The following SRPX variants were observed in gnomAD, a reference collection of about 807,000 sequenced individuals.
The protein encoded by SRPX is sushi repeat-containing protein SRPX.
SRPX carries 24 observed loss-of-function variants against 38.1 expected under a neutral mutation model. That is an observed-to-expected ratio of 0.63 (90% CI 0.46 to 0.89). The LOEUF (loss-of-function observed/expected upper bound fraction) is 0.89. Ranked by LOEUF, SRPX falls within the 40% of genes least tolerant of loss-of-function variation. SRPX has a pLI of 0.00. For missense variants in SRPX, 416 were observed against 377.8 expected, an observed-to-expected ratio of 1.10 and a Z score of -0.84; for synonymous variants, 184 against 153.8, an observed-to-expected ratio of 1.20 and a Z score of -1.45.
At chrX:38,175,386 C>T (rs975483011) in intron 2 of SRPX, among the ~76,000 whole-genome samples, 1 of 112,232 alleles carries the variant, frequency 8.9e-6, no homozygotes, top group Non-Finnish European at 1.9e-5. Flanking sequence ...GTTTTACTTT[C>T]CCAGGAATTC....
intron 1 of SRPX, among the ~76,000 whole-genome samples, chrX:38,180,299 AAC>A (rs1938644610): frequency 9.0e-6 from 1 of 111,552 alleles, no homozygotes; most frequent in Non-Finnish European, 1.9e-5. Flanking sequence ...TCCAAATGAC[AAC>A]AGTTTCCCGA....
intron 3 of SRPX, among the ~76,000 whole-genome samples, chrX:38,173,212 C>T (rs1938506583): frequency 8.9e-6 from 1 of 111,969 alleles, no homozygotes; most frequent in Admixed American, 9.4e-5. Flanking sequence ...AAACCATAAG[C>T]GCTCAAAAAG....
chrX:38,220,614 C>G, intron 1 of SRPX, 82 bp downstream of exon 1: 3 of 1,137,244 alleles, frequency 2.6e-6, no homozygotes, highest in Non-Finnish European at 3.5e-6. Flanking sequence ...GCACCTCCCT[C>G]TATCCCGAGC....
At position 38,154,521 on chromosome X, in the gene SRPX, C is replaced by T. The variant is rs751346119; in HGVS notation, c.1152G>A (p.Pro384=). Residue 384 remains proline, a synonymous_variant, in exon 9 of 10, where the codon CCG becomes CCA. Coordinates refer to ENST00000378533, the MANE Select transcript of SRPX (RefSeq NM_006307.5). ...TTGCTCCTATCCTGCCAATGAGAGT[C>T]GGGAACACACCCACCAGCTCCACCA... ...ITVVELVGVF[P]TLIGRIGAKI... is the part of the protein sequence containing the mutation. 5.8e-6 allele frequency: 7 copies of T among 1,205,372 alleles called. No individual in the cohort carries two copies. Among genetic ancestry groups the T allele is most frequent in the Non-Finnish European group, 6.7e-6 (6 of 892,981 alleles).
At chrX:38,159,955 C>T in intron 7 of SRPX, 62 bp downstream of exon 7, 17 of 1,134,751 alleles carry the variant, frequency 1.5e-5, no homozygotes, top group Middle Eastern at 2.9e-4. Context: ...CTCTCTTGCA[C>T]TGGAATCAAG....
At chrX:38,164,925 T>C (rs776005299) in intron 4 of SRPX, 30 bp from the exon 5 acceptor site, 1 of 1,196,556 alleles carries the variant, frequency 8.4e-7, no homozygotes, top group Admixed American at 2.2e-5. Flanking sequence ...ATTCTCATCA[T>C]CATCAAGAAA....
At chrX:38,174,464 A>C in intron 2 of SRPX, 113 bp from the exon 3 acceptor site, 1 of 534,009 alleles carries the variant, frequency 1.9e-6, no homozygotes, top group African/African-American at 2.4e-5. Flanking sequence ...TGGACCTTCA[A>C]TTAGTGCCCC....
chrX:38,165,702 T>G (rs763003374), intron 4 of SRPX, among the ~76,000 whole-genome samples: 2 of 112,243 alleles, frequency 1.8e-5, no homozygotes, highest in Non-Finnish European at 3.8e-5. Flanking sequence ...CTTCCTGCTA[T>G]CTATTATCAA....
chrX:38,163,892 G>A (rs1166200503), intron 5 of SRPX, among the ~76,000 whole-genome samples: 3 of 111,812 alleles, frequency 2.7e-5, no homozygotes, highest in African/African-American at 9.7e-5. Flanking sequence ...CAGAGCACAA[G>A]AGCGGCAGCC....
At chrX:38,218,611 C>G (rs1939456705) in intron 1 of SRPX, among the ~76,000 whole-genome samples, 1 of 112,521 alleles carries the variant, frequency 8.9e-6, no homozygotes, top group African/African-American at 3.2e-5. Context: ...AGATCTCCAT[C>G]TTCTTTCAGA....
chrX:38,210,591 G>A (rs921026169), intron 1 of SRPX, among the ~76,000 whole-genome samples: 2 of 112,005 alleles, frequency 1.8e-5, no homozygotes, highest in African/African-American at 6.5e-5. Context: ...AAATATGTCA[G>A]CAGGTAGCAA....
At chrX:38,187,773 C>G (rs1211879026) in intron 1 of SRPX, among the ~76,000 whole-genome samples, 2 of 111,964 alleles carry the variant, frequency 1.8e-5, no homozygotes, top group African/African-American at 6.5e-5. Flanking sequence ...CAGTGGTAAC[C>G]CTTCTCTCCT....
chrX:38,160,597 G>C (rs898991611), intron 6 of SRPX, among the ~76,000 whole-genome samples: 17 of 111,692 alleles, frequency 1.5e-4, no homozygotes, highest in African/African-American at 4.9e-4. Context: ...TATTCACCCT[G>C]GTTGTAGATG....
At chrX:38,202,877 G>A (rs1173359753) in intron 1 of SRPX, among the ~76,000 whole-genome samples, 1 of 112,137 alleles carries the variant, frequency 8.9e-6, no homozygotes, top group East Asian at 2.8e-4. Flanking sequence ...TCTACAGAAT[G>A]TCTTCCACAA....
rs1207389495 is a variant in SRPX, at chrX:38,154,588, G to A, written c.1090-5C>T. On this transcript the variant is annotated splice_region_variant and splice_polypyrimidine_tract_variant and intron_variant, in intron 8 of 9. Coordinates refer to ENST00000378533, the MANE Select transcript of SRPX (RefSeq NM_006307.5). Reference sequence around the variant, plus strand: ...ATCAAGGCCACACTGTGCTTGCTGGGAAAAAGAAAACCCAACAGGGGAAGT... The same window carrying A: ...ATCAAGGCCACACTGTGCTTGCTGGAAAAAAGAAAACCCAACAGGGGAAGT... 2 of 1,206,143 alleles carry A rather than the reference G, an allele frequency of 1.7e-6. No individual in the cohort carries two copies. Among genetic ancestry groups the A allele is most frequent in the South Asian group, 3.6e-5 (2 of 55,409 alleles).
chrX:38,208,948 A>G (rs1244779237), intron 1 of SRPX, among the ~76,000 whole-genome samples: 2 of 104,853 alleles, frequency 1.9e-5, no homozygotes, highest in African/African-American at 6.9e-5. Flanking sequence ...AGGCCTCTCA[A>G]AGTGCTGGGA....
chrX:38,151,066 A>G (rs1938002298), intron 9 of SRPX, among the ~76,000 whole-genome samples: 1 of 112,493 alleles, frequency 8.9e-6, no homozygotes, highest in Non-Finnish European at 1.9e-5. Flanking sequence ...AAATCATTAC[A>G]TAGAACACAA....
chrX:38,201,100 A>AT (rs1272768581), intron 1 of SRPX, among the ~76,000 whole-genome samples: 1 of 111,341 alleles, frequency 9.0e-6, no homozygotes, highest in Non-Finnish European at 1.9e-5. Flanking sequence ...TTAGATCGTG[A>AT]TTTTTTCTTC....
At position 38,220,745 on chromosome X, in the gene SRPX, A is replaced by T. The variant is rs866841860; in HGVS notation, c.48T>A (p.Pro16=). ...HRPALLLLLP[P]LLLLLLLRVP... ...CGCGCAGCAGCAGCAGCAGCAGCAG[A>T]GGCGGCAGCAGCAGCAGCAGCGCGG... is the stretch of plus-strand genomic sequence containing the variant. The change falls in exon 1 of 10, where the codon CCT becomes CCA. Residue 16 remains proline, a synonymous_variant. Coordinates refer to ENST00000378533, the MANE Select transcript of SRPX (RefSeq NM_006307.5). The T allele has an allele frequency of 8.7e-7, 1 of 1,151,041 alleles. No individual in the cohort carries two copies. The highest frequency in any genetic ancestry group is 1.8e-5 in the African/African-American group (1 of 55,099). The allele number at this position is 1,151,041 out of a possible 1,213,427, so 94.9% of individuals were successfully genotyped here. A position where few individuals can be genotyped will look rare whatever the true frequency, so the allele number is the denominator to read the frequency against.
Sources: gnomAD v4.1 joint callset for allele counts (sites outside exome capture counted in the v4.1 genomes callset) on GRCh38, gnomAD v4.1.1 for gene constraint, MANE v1.5 for transcripts, NCBI Gene and HGNC (gene_info 2026-07-23, HGNC 2026-07-21) for gene names.